The following PDGFD variants were observed in gnomAD, a reference collection of about 807,000 sequenced individuals.
The protein encoded by PDGFD is platelet derived growth factor D.
Under a neutral mutation model 44.7 loss-of-function variants are expected in PDGFD, and 30 were observed. The observed-to-expected ratio is 0.67, with a 90% CI of 0.50 to 0.91. The LOEUF (loss-of-function observed/expected upper bound fraction) is 0.91, where lower values mean the gene tolerates loss of function less well. Among genes scored for constraint, PDGFD ranks in the 40% least tolerant of loss-of-function variants. PDGFD has a pLI of 0.00. For missense variants in PDGFD, 445 were observed against 457.8 expected (o/e 0.97, Z 0.25); for synonymous variants, 173 against 168.4 (o/e 1.03, Z -0.21).
intron 1 of PDGFD, among the ~76,000 whole-genome samples, chr11:104,072,340 T>A (rs1860892053): frequency 6.6e-6 from 1 of 151,890 alleles, no homozygotes; most frequent in Non-Finnish European, 1.5e-5. Context: ...CTGTAGATTT[T>A]ATTTTTCTGC....
At chr11:104,002,175 A>T (rs1033591682) in intron 1 of PDGFD, among the ~76,000 whole-genome samples, 5 of 152,262 alleles carry the variant, frequency 3.3e-5, no homozygotes, top group Admixed American at 3.3e-4. Context: ...CCTTGATCTT[A>T]TGCTTAAAGA....
chr11:104,122,536 C>T (rs571635843), intron 1 of PDGFD, among the ~76,000 whole-genome samples: 19 of 152,058 alleles, frequency 1.2e-4, no homozygotes, highest in African/African-American at 4.6e-4. Flanking sequence ...TCTCTGGGAC[C>T]CCTCTCTCCA....
chr11:103,991,018 A>G (rs553034240), intron 3 of PDGFD, among the ~76,000 whole-genome samples: 1 of 152,166 alleles, frequency 6.6e-6, no homozygotes, highest in East Asian at 1.9e-4. Context: ...GGGTGCCTGT[A>G]GTCCCAGCTA....
At chr11:104,060,298 G>A (rs1286227762) in intron 1 of PDGFD, among the ~76,000 whole-genome samples, 3 of 152,296 alleles carry the variant, frequency 2.0e-5, no homozygotes, top group South Asian at 4.1e-4. Context: ...TGTAATGTCT[G>A]ACTCATGTGG....
At chr11:103,967,101 T>A (rs1019127526) in intron 3 of PDGFD, among the ~76,000 whole-genome samples, 7 of 152,208 alleles carry the variant, frequency 4.6e-5, no homozygotes, top group Non-Finnish European at 8.8e-5. Flanking sequence ...TCAGAGGCAA[T>A]CAACATTATT....
At chr11:104,031,302 C>A (rs1017662645) in intron 1 of PDGFD, among the ~76,000 whole-genome samples, 1 of 152,072 alleles carries the variant, frequency 6.6e-6, no homozygotes, top group Non-Finnish European at 1.5e-5. Flanking sequence ...CAAGAAAAAA[C>A]AAACAACCCC....
In PDGFD at chr11:103,927,046, G is replaced by C. The variant is rs1858326366; in HGVS notation, c.853C>G (p.Leu285Val). 5 of 1,614,180 alleles carry C rather than the reference G, an allele frequency of 3.1e-6. No individual in the cohort carries two copies. Among genetic ancestry groups the C allele is most frequent in the Non-Finnish European group, 2.5e-6 (3 of 1,180,016 alleles). ...RNYSVNIREE[L>V]KLANVVFFPR... ...AAGAAGACCACATTGGCCAACTTCA[G>C]CTCTTCTCTTATATTGACCGAGTAA... Residue 285 changes from leucine (L) to valine (V), a missense_variant, in exon 6 of 7, where the codon CTG (leucine) becomes GTG (valine). By Grantham distance (32) the Leu-to-Val change is conservative (BLOSUM62 1). Coordinates refer to ENST00000393158, the MANE Select transcript of PDGFD (RefSeq NM_025208.5).
chr11:104,162,786 G>T (rs1157813967), intron 1 of PDGFD, among the ~76,000 whole-genome samples: 1 of 152,174 alleles, frequency 6.6e-6, no homozygotes, highest in Non-Finnish European at 1.5e-5. Context: ...AGCTGAAACT[G>T]TGAAGCCATC....
intron 5 of PDGFD, among the ~76,000 whole-genome samples, chr11:103,932,877 C>G (rs907062480): frequency 5.9e-5 from 9 of 152,258 alleles, no homozygotes; most frequent in East Asian, 3.9e-4. Flanking sequence ...ATGTTTGGAT[C>G]TTATCTCAAG....
At chr11:103,924,778 A>C (rs370671088) in intron 6 of PDGFD, among the ~76,000 whole-genome samples, 1 of 152,202 alleles carries the variant, frequency 6.6e-6, no homozygotes, top group Non-Finnish European at 1.5e-5. Context: ...TTTTGTTTAG[A>C]GAGAACTACC....
Position 104,000,186 on chromosome 11 carries a change from T to C in PDGFD, c.194A>G (p.Gln65Arg), listed in dbSNP as rs751431261. 7.4e-6 allele frequency: 12 copies of C among 1,613,998 alleles called. No homozygotes were observed. The highest frequency in any genetic ancestry group is 1.7e-5 in the Admixed American group (1 of 59,996). Residue 65 changes from glutamine to arginine, a missense_variant, in exon 2 of 7, where the codon CAG becomes CGG. Physicochemically the swap from Gln to Arg is conservative, Grantham distance 43. Transcript: ENST00000393158. The stretch of plus-strand genomic sequence containing the variant: ...GTAGCTGTTCGGGAATCTAGGACTC[T>C]GCACGTAGCCGTTTCCTTTCACCTG... ...TIQVKGNGYVQSPRFPNSYPR... is the reference protein window; with the variant it reads ...TIQVKGNGYVRSPRFPNSYPR...
chr11:104,054,540 A>G (rs1860592843), intron 1 of PDGFD, among the ~76,000 whole-genome samples: 1 of 141,074 alleles, frequency 7.1e-6, no homozygotes, highest in Non-Finnish European at 1.6e-5. Context: ...AAATCATCAC[A>G]TGGGTGATGA....
intron 6 of PDGFD, among the ~76,000 whole-genome samples, chr11:103,911,302 T>G (rs185373693): frequency 1.6e-4 from 25 of 152,188 alleles, no homozygotes; most frequent in African/African-American, 5.3e-4. Context: ...ACATCTCCCA[T>G]TAGGGGCCAA....
chr11:103,939,382 T>G lies in PDGFD; in HGVS notation c.772+4070A>C, dbSNP rs369031413. Among the ~76,000 whole-genome samples the G allele has an allele frequency of 1.8e-4, 28 of 152,276 alleles. No individual in the cohort carries two copies. The East Asian group carries it at 4.3e-3, about 23-fold the overall frequency. On this transcript the variant is annotated intron_variant, in intron 5 of 6. Transcript: ENST00000393158. ...GTCTGTTATTGGTGTATAGGAATGC[T>G]TGTGATTTTTGTACATTGATTTTGT...
At chr11:103,942,652 T>A (rs1347737753) in intron 5 of PDGFD, among the ~76,000 whole-genome samples, 8 of 152,110 alleles carry the variant, frequency 5.3e-5, no homozygotes, top group African/African-American at 1.7e-4. Flanking sequence ...AGATATCAGA[T>A]CTAGAAGGTA....
intron 1 of PDGFD, among the ~76,000 whole-genome samples, chr11:104,114,841 A>G (rs1041624558): frequency 6.7e-6 from 1 of 149,670 alleles, no homozygotes; most frequent in Non-Finnish European, 1.5e-5. Context: ...TAAGTATTTC[A>G]TTTTGGGAAG....
chr11:104,093,210 T>C (rs539174291), intron 1 of PDGFD, among the ~76,000 whole-genome samples: 2 of 152,062 alleles, frequency 1.3e-5, no homozygotes, highest in South Asian at 4.1e-4. Context: ...GATGAAAAGT[T>C]ACATTTTACT....
At chr11:104,119,657 A>G (rs1428773785) in intron 1 of PDGFD, among the ~76,000 whole-genome samples, 1 of 3,570 alleles carries the variant, frequency 2.8e-4, no homozygotes, top group Non-Finnish European at 9.1e-3. Context: ...ATAGATATAT[A>G]TAATTATATA....
Position 103,983,744 on chromosome 11 carries a change from A to C in PDGFD, c.510+12321T>G, listed in dbSNP as rs1170952513. Among the ~76,000 whole-genome samples, 3 of 151,870 alleles carry C rather than the reference A, an allele frequency of 2.0e-5. 1 individual carries two copies. The highest frequency in any genetic ancestry group is 7.3e-5 in the African/African-American group (3 of 41,150). On this transcript the variant is annotated intron_variant, in intron 3 of 6. Transcript: ENST00000393158. ...ACAAGAAAAAAATAACCCCATAAAA[A>C]AGTGGGCAAAGGACGTGAACAGACA...
Sources: gnomAD v4.1 joint callset for allele counts (sites outside exome capture counted in the v4.1 genomes callset) on GRCh38, gnomAD v4.1.1 for gene constraint, MANE v1.5 for transcripts, NCBI Gene and HGNC (gene_info 2026-07-23, HGNC 2026-07-21) for gene names.